SLC25A21: variants seen among roughly 807,000 people sequenced by gnomAD.
SLC25A21 encodes mitochondrial 2-oxodicarboxylate carrier.
In SLC25A21, 47 loss-of-function variants were observed where a neutral mutation model predicts 43.8. That is an observed-to-expected ratio of 1.07 (90% CI 0.85 to 1.37). SLC25A21 has a LOEUF of 1.37. SLC25A21 is among the 40% of genes most tolerant of loss of function. The pLI is 0.00. For missense variants in SLC25A21, 352 were observed against 350.2 expected (o/e 1.00, Z -0.04); for synonymous variants, 131 against 121.3 (o/e 1.08, Z -0.52).
intron 3 of SLC25A21, among the ~76,000 whole-genome samples, chr14:36,744,756 T>C (rs1271278006): frequency 1.3e-5 from 2 of 152,112 alleles, no homozygotes; most frequent in Non-Finnish European, 2.9e-5. Flanking sequence ...ACAATGCATA[T>C]GATAAAGTGC....
Position 36,697,823 on chromosome 14 carries a change from G to C in SLC25A21, c.604-12898C>G, listed in dbSNP as rs1181114467. On this transcript the variant is annotated intron_variant, in intron 7 of 9. Transcript: ENST00000331299. ...TATGTGCATCTTTGCATGTGAGATG[G>C]GTCTCCTGAATACAGCACACTGATG... Among the ~76,000 whole-genome samples the C allele has an allele frequency of 3.4e-5, 5 of 146,334 alleles. No individual in the cohort carries two copies. The Admixed American group carries it at 3.5e-4, about 10-fold the overall frequency.
chr14:37,007,371 G>C (rs1270585511), intron 1 of SLC25A21, among the ~76,000 whole-genome samples: 6 of 152,190 alleles, frequency 3.9e-5, no homozygotes, highest in African/African-American at 1.4e-4. Context: ...GGGAGGCTGA[G>C]GCAGTCAGAT....
At chr14:36,904,405 G>A (rs1178586918) in intron 1 of SLC25A21, among the ~76,000 whole-genome samples, 1 of 152,094 alleles carries the variant, frequency 6.6e-6, no homozygotes, top group East Asian at 1.9e-4. Context: ...AGAGATTTTT[G>A]CAAGCCTAAT....
chr14:36,984,174 C>A (rs1353902807), intron 1 of SLC25A21, among the ~76,000 whole-genome samples: 1 of 152,130 alleles, frequency 6.6e-6, no homozygotes, highest in East Asian at 1.9e-4. Context: ...GCAACGACAA[C>A]AAAATCCTAG....
intron 7 of SLC25A21, among the ~76,000 whole-genome samples, chr14:36,691,514 A>T (rs1448359415): frequency 6.6e-6 from 1 of 152,196 alleles, no homozygotes; most frequent in Non-Finnish European, 1.5e-5. Flanking sequence ...AATAAGCCTA[A>T]ACCATTTTAC....
intron 1 of SLC25A21, among the ~76,000 whole-genome samples, chr14:36,950,400 TAAG>T (rs1594713786): frequency 6.6e-6 from 1 of 152,014 alleles, no homozygotes; most frequent in Non-Finnish European, 1.5e-5. Flanking sequence ...AATATCTTTA[TAAG>T]AAGAGGAAGA....
intron 1 of SLC25A21, among the ~76,000 whole-genome samples, chr14:37,091,200 C>T (rs1160786986): frequency 3.3e-5 from 5 of 152,014 alleles, no homozygotes; most frequent in African/African-American, 1.2e-4. Context: ...TTTGGGAGGT[C>T]GAGGCAGGTG....
chr14:36,934,198 T>C (rs1892361624), intron 1 of SLC25A21, among the ~76,000 whole-genome samples: 1 of 152,124 alleles, frequency 6.6e-6, no homozygotes, highest in South Asian at 2.1e-4. Context: ...TTATTAACCT[T>C]TTAGGACTTG....
chr14:37,103,272 G>C (rs1962851196), intron 1 of SLC25A21, among the ~76,000 whole-genome samples: 1 of 152,152 alleles, frequency 6.6e-6, no homozygotes, highest in South Asian at 2.1e-4. Context: ...AAGATTTAGA[G>C]GGATTACACT....
At chr14:36,867,120 T>C (rs1201475650) in intron 2 of SLC25A21, among the ~76,000 whole-genome samples, 1 of 152,076 alleles carries the variant, frequency 6.6e-6, no homozygotes, top group African/African-American at 2.4e-5. Flanking sequence ...CCCCACTTAG[T>C]CCACCCACCT....
In SLC25A21 at chr14:36,679,254, A is replaced by C; in HGVS notation, c.*1404T>G. 1.0e-6 allele frequency: 1 copy of C among 984,016 alleles called. No homozygotes were observed. The highest frequency in any genetic ancestry group is 1.2e-6 in the Non-Finnish European group (1 of 828,644). 61.0% of individuals were successfully genotyped at this position (984,016 alleles called of 1,614,324 possible). On this transcript the variant is annotated 3_prime_UTR_variant, in exon 10 of 10. Coordinates refer to ENST00000331299, the MANE Select transcript of SLC25A21 (RefSeq NM_030631.4). ...TGGACTGAAATATAAATTTTAAAAA[A>C]CACGTTGGAAAGGATGTACAACAGA...
intron 1 of SLC25A21, among the ~76,000 whole-genome samples, chr14:37,135,347 T>G (rs1360095667): frequency 6.6e-6 from 1 of 152,126 alleles, no homozygotes. Flanking sequence ...TGCAGTGAGC[T>G]ATGATTTTGC....
chr14:36,795,617 A>G (rs568691100), intron 3 of SLC25A21, among the ~76,000 whole-genome samples: 1 of 152,308 alleles, frequency 6.6e-6, no homozygotes, highest in South Asian at 2.1e-4. Flanking sequence ...AAGGCTGAGA[A>G]AGGGCTTTTT....
At chr14:36,751,455 A>C (rs1183383451) in intron 3 of SLC25A21, among the ~76,000 whole-genome samples, 2 of 152,200 alleles carry the variant, frequency 1.3e-5, no homozygotes. Context: ...GCAACACTGC[A>C]TGGGGAGTCT....
intron 1 of SLC25A21, among the ~76,000 whole-genome samples, chr14:37,025,115 T>C (rs1961066072): frequency 6.6e-6 from 1 of 151,938 alleles, no homozygotes; most frequent in African/African-American, 2.4e-5. Context: ...ACAATCAGAG[T>C]TAGAGCTACA....
intron 3 of SLC25A21, chr14:36,759,748 T>C (rs1886070376): frequency 1.3e-5 from 2 of 152,198 alleles, no homozygotes; most frequent in Non-Finnish European, 2.9e-5. Context: ...GGAGGCCAGA[T>C]CACGAGGTCA....
At chr14:36,729,664 G>A in intron 4 of SLC25A21, 98 bp from the exon 5 acceptor site, 1 of 996,846 alleles carries the variant, frequency 1.0e-6, no homozygotes, top group South Asian at 1.6e-5. Flanking sequence ...ATGTTAACCA[G>A]CATTTCAAAA....
intron 1 of SLC25A21, among the ~76,000 whole-genome samples, chr14:37,022,214 A>T (rs866746854): frequency 6.6e-6 from 1 of 151,968 alleles, no homozygotes; most frequent in Non-Finnish European, 1.5e-5. Flanking sequence ...CTAATTACAT[A>T]AAAAAACTTA....
rs1289298923 is a variant in SLC25A21, at chr14:36,725,623, G to T, written c.385C>A (p.Pro129Thr). ...SGLTEAIVVN[P>T]FEVVKVGLQA... Reference sequence around the variant, plus strand: ...AAGCCAACTTTTACTACCTCAAAAGGGTTAACTACAATGGCTTCTGTTAGT... The same window carrying T: ...AAGCCAACTTTTACTACCTCAAAAGTGTTAACTACAATGGCTTCTGTTAGT... The change falls in exon 6 of 10, where the codon CCT becomes ACT. Residue 129 changes from proline (P) to threonine (T), a missense_variant. Pro to Thr is a conservative substitution (Grantham distance 38, BLOSUM62 -1). Transcript: ENST00000331299. The T allele has an allele frequency of 1.9e-6, 3 of 1,601,008 alleles. No individual in the cohort carries two copies. The highest frequency in any genetic ancestry group is 2.7e-5 in the African/African-American group (2 of 74,198).
Sources: gnomAD v4.1 joint callset for allele counts (sites outside exome capture counted in the v4.1 genomes callset) on GRCh38, gnomAD v4.1.1 for gene constraint, MANE v1.5 for transcripts, NCBI Gene and HGNC (gene_info 2026-07-23, HGNC 2026-07-21) for gene names.